The following SDK1 variants were observed in gnomAD, a reference collection of about 807,000 sequenced individuals.
SDK1 encodes the protein protein sidekick-1.
A neutral mutation model predicts 245.5 loss-of-function variants in SDK1; 157 were observed. The ratio of observed to expected loss-of-function variants is 0.64; its 90% confidence interval spans 0.56 to 0.73. The LOEUF (loss-of-function observed/expected upper bound fraction) is 0.73. Among genes scored for constraint, SDK1 ranks in the 30% least tolerant of loss-of-function variants. The pLI is 0.00. For synonymous variants in SDK1, 1,647 were observed against 1,278.5 expected, an observed-to-expected ratio of 1.29 and a Z score of -6.15; for missense variants, 3,583 against 3,002.3, an observed-to-expected ratio of 1.19 and a Z score of -4.52.
intron 44 of SDK1, among the ~76,000 whole-genome samples, chr7:4,260,425 C>T (rs1787912442): frequency 7.2e-6 from 1 of 138,300 alleles, no homozygotes; most frequent in African/African-American, 2.8e-5. Context: ...AAGTTGTGTT[C>T]ATCGTCACCT....
intron 1 of SDK1, among the ~76,000 whole-genome samples, chr7:3,501,385 A>C (rs1484752669): frequency 1.4e-5 from 2 of 144,270 alleles, no homozygotes; most frequent in Admixed American, 7.1e-5. Flanking sequence ...AAAGAAAAAA[A>C]AAAACTGATC....
At chr7:3,443,177 T>C (rs1780246926) in intron 1 of SDK1, among the ~76,000 whole-genome samples, 1 of 152,116 alleles carries the variant, frequency 6.6e-6, no homozygotes, top group East Asian at 1.9e-4. Flanking sequence ...GCAGAGAATA[T>C]TTAATAAGCA....
chr7:3,894,434 C>G (rs570044594), intron 5 of SDK1, among the ~76,000 whole-genome samples: 1 of 150,202 alleles, frequency 6.7e-6, no homozygotes, highest in Admixed American at 6.7e-5. Flanking sequence ...GCCTTGGTGC[C>G]AGGCTCCGGG....
At chr7:3,812,385 C>G (rs1779406788) in intron 4 of SDK1, among the ~76,000 whole-genome samples, 1 of 152,184 alleles carries the variant, frequency 6.6e-6, no homozygotes. Context: ...GAACGTATTT[C>G]AAATCCAAAG....
At chr7:4,111,413 A>T (rs1244824662) in intron 23 of SDK1, among the ~76,000 whole-genome samples, 1 of 152,244 alleles carries the variant, frequency 6.6e-6, no homozygotes, top group Non-Finnish European at 1.5e-5. Context: ...CCAGGATGGA[A>T]CATTTCATAC....
At chr7:4,006,786 C>G (rs974815135) in intron 14 of SDK1, among the ~76,000 whole-genome samples, 3 of 152,222 alleles carry the variant, frequency 2.0e-5, no homozygotes, top group African/African-American at 7.2e-5. Flanking sequence ...TTAATAGGCC[C>G]TGTTGTCAAA....
At chr7:3,588,091 C>A (rs1210276973) in intron 1 of SDK1, among the ~76,000 whole-genome samples, 1 of 152,182 alleles carries the variant, frequency 6.6e-6, no homozygotes, top group Non-Finnish European at 1.5e-5. Flanking sequence ...TTTGGTGGAT[C>A]TACGAGCCCT....
chr7:3,582,469 T>C (rs560915878), intron 1 of SDK1, among the ~76,000 whole-genome samples: 7 of 145,148 alleles, frequency 4.8e-5, no homozygotes, highest in South Asian at 2.1e-4. Flanking sequence ...GGTAGGTCTG[T>C]CTCAGGTAGG....
intron 1 of SDK1, among the ~76,000 whole-genome samples, chr7:3,307,105 A>G (rs1779435177): frequency 6.6e-6 from 1 of 152,078 alleles, no homozygotes; most frequent in Non-Finnish European, 1.5e-5. Context: ...TTGATTAAAT[A>G]CTCCTGGTAC....
intron 40 of SDK1, among the ~76,000 whole-genome samples, chr7:4,231,912 C>T (rs1292209640): frequency 6.6e-6 from 1 of 152,168 alleles, no homozygotes; most frequent in Non-Finnish European, 1.5e-5. Flanking sequence ...CACGGGTACA[C>T]ACATATCCAA....
intron 5 of SDK1, among the ~76,000 whole-genome samples, chr7:3,843,498 A>C (rs1780207267): frequency 6.6e-6 from 1 of 152,230 alleles, no homozygotes; most frequent in Non-Finnish European, 1.5e-5. Flanking sequence ...ACTAAAGTCA[A>C]CCTGTTTTCA....
At chr7:4,254,144 A>G (rs1364117024) in intron 44 of SDK1, among the ~76,000 whole-genome samples, 1 of 151,912 alleles carries the variant, frequency 6.6e-6, no homozygotes. Context: ...AATGATTTTT[A>G]TCAAATTTGG....
intron 1 of SDK1, among the ~76,000 whole-genome samples, chr7:3,318,974 A>G (rs1453953463): frequency 6.6e-6 from 1 of 152,112 alleles, no homozygotes; most frequent in Non-Finnish European, 1.5e-5. Context: ...CTGAAATGCC[A>G]CAGAAGCAGT....
At chr7:3,448,492 A>G (rs1368588314) in intron 1 of SDK1, among the ~76,000 whole-genome samples, 3 of 152,164 alleles carry the variant, frequency 2.0e-5, no homozygotes, top group Admixed American at 1.3e-4. Context: ...ATAAATTAAA[A>G]TATATGTAAT....
intron 1 of SDK1, among the ~76,000 whole-genome samples, chr7:3,521,276 G>C (rs915523109): frequency 1.3e-5 from 2 of 152,146 alleles, no homozygotes; most frequent in Non-Finnish European, 2.9e-5. Flanking sequence ...CATGTGATTA[G>C]ATTGGGGCCA....
intron 1 of SDK1, among the ~76,000 whole-genome samples, chr7:3,576,939 G>A (rs1192645937): frequency 1.3e-5 from 2 of 152,028 alleles, no homozygotes; most frequent in African/African-American, 4.8e-5. Flanking sequence ...GGCACCTGAA[G>A]AAATAGTAGA....
At chr7:3,672,521 G>A (rs1256915115) in intron 4 of SDK1, among the ~76,000 whole-genome samples, 1 of 147,708 alleles carries the variant, frequency 6.8e-6, no homozygotes, top group East Asian at 2.0e-4. Flanking sequence ...ACCTAAATAA[G>A]TCCAAAAGCA....
At chr7:4,220,419 G>A in intron 39 of SDK1, 149 bp downstream of exon 39, 1 of 773,410 alleles carries the variant, frequency 1.3e-6, no homozygotes, top group Non-Finnish European at 2.0e-6. Flanking sequence ...GGGCAACATG[G>A]ACGTCTTCAA....
At chr7:3,899,023 G>A (rs957118447) in intron 5 of SDK1, among the ~76,000 whole-genome samples, 3 of 151,990 alleles carry the variant, frequency 2.0e-5, no homozygotes, top group East Asian at 3.9e-4. Flanking sequence ...TTTTATTATC[G>A]TATCAGCTCA....
Sources: gnomAD v4.1 joint callset for allele counts (sites outside exome capture counted in the v4.1 genomes callset) on GRCh38, gnomAD v4.1.1 for gene constraint, MANE v1.5 for transcripts, NCBI Gene and HGNC (gene_info 2026-07-23, HGNC 2026-07-21) for gene names.